Variants in WNT4 observed in about 807,000 individuals in gnomAD.
The protein encoded by WNT4 is Wnt family member 4, also known as protein Wnt-4.
Under a neutral mutation model 34.5 loss-of-function variants are expected in WNT4, and 16 were observed. The observed-to-expected ratio is 0.46, with a 90% CI of 0.31 to 0.70. The LOEUF is 0.70. WNT4 is among the 30% of genes least tolerant of loss of function. The pLI is 0.04. For synonymous variants in WNT4, 200 were observed against 211.9 expected (o/e 0.94, Z 0.49); for missense variants, 379 against 495.9 (o/e 0.76, Z 2.24).
At chr1:22,136,757 C>T (rs568426141) in intron 1 of WNT4, among the ~76,000 whole-genome samples, 2 of 152,246 alleles carry the variant, frequency 1.3e-5, no homozygotes, top group East Asian at 1.9e-4. Context: ...AGGAAGTGCT[C>T]GACATGTTTG....
chr1:22,130,631 T>C (rs965736805), intron 1 of WNT4, among the ~76,000 whole-genome samples: 6 of 152,188 alleles, frequency 3.9e-5, no homozygotes, highest in Non-Finnish European at 8.8e-5. Context: ...TGAAGAAGGA[T>C]AAAGGGAAGG....
At chr1:22,133,496 G>C (rs933804861) in intron 1 of WNT4, among the ~76,000 whole-genome samples, 1 of 152,208 alleles carries the variant, frequency 6.6e-6, no homozygotes, top group Non-Finnish European at 1.5e-5. Flanking sequence ...CAAAAATGGA[G>C]TGCACCAGCC....
intron 2 of WNT4, among the ~76,000 whole-genome samples, chr1:22,129,061 T>G (rs1286710892): frequency 1.3e-5 from 2 of 152,238 alleles, no homozygotes; most frequent in Non-Finnish European, 2.9e-5. Context: ...GGCAAGTTAC[T>G]TAACCTCCAT....
intron 1 of WNT4, among the ~76,000 whole-genome samples, chr1:22,132,630 C>T (rs190864287): frequency 2.7e-4 from 41 of 152,306 alleles, no homozygotes; most frequent in Non-Finnish European, 4.3e-4. Flanking sequence ...TGCATCCCCC[C>T]ACCCAGGCTC....
rs139437069 is a variant in WNT4 at position 22,128,144 on chromosome 1, G to A, written c.313+1472C>T. On this transcript the variant is annotated intron_variant, in intron 2 of 4. Transcript: ENST00000290167. Reference sequence around the variant, plus strand: ...GCAGCGATGTTCAGCAATGCCAAGCGAGATCATGCCTTTTTGGCCCCTGCC... The same window carrying A: ...GCAGCGATGTTCAGCAATGCCAAGCAAGATCATGCCTTTTTGGCCCCTGCC... 2.8e-4 allele frequency among the ~76,000 whole-genome samples: 42 copies of A among 152,292 alleles called. 1 individual carries two copies. The highest frequency in any genetic ancestry group is 9.1e-4 in the African/African-American group (38 of 41,562).
At chr1:22,136,538 A>C (rs1646022915) in intron 1 of WNT4, among the ~76,000 whole-genome samples, 1 of 152,104 alleles carries the variant, frequency 6.6e-6, no homozygotes, top group South Asian at 2.1e-4. Flanking sequence ...CAGTCCTAGG[A>C]GAGCCTGTGG....
chr1:22,135,425 T>A (rs964142524), intron 1 of WNT4, among the ~76,000 whole-genome samples: 34 of 152,224 alleles, frequency 2.2e-4, no homozygotes, highest in African/African-American at 8.0e-4. Flanking sequence ...AAGCCAAAGA[T>A]GACCCAGGGT....
At position 22,140,687 on chromosome 1, in the gene WNT4, A is replaced by G. The variant is rs543934108; in HGVS notation, c.77+2159T>C. On this transcript the variant is annotated intron_variant, in intron 1 of 4. Transcript: ENST00000290167. This position sits in a 1 kb window ranked among gnomAD's most constrained non-coding sequence, Gnocchi z 5.9. ...GTATGTGCCCAGTGTCTTCTCCTTC[A>G]TAGCCTCTCTGGTTTGGGAGGGTCC... is the stretch of plus-strand genomic sequence containing the variant. 6.6e-6 allele frequency among the ~76,000 whole-genome samples: 1 copy of G among 152,348 alleles called. No individual in the cohort carries two copies. Among genetic ancestry groups the G allele is most frequent in the South Asian group, 2.1e-4 (1 of 4,830 alleles).
In WNT4 at chr1:22,122,212, C is replaced by T. The variant is rs111311683; in HGVS notation, c.314-636G>A. 2.5e-3 allele frequency among the ~76,000 whole-genome samples: 386 copies of T among 152,254 alleles called. 2 individuals are homozygous for T. The highest frequency in any genetic ancestry group is 9.2e-3 in the African/African-American group (381 of 41,536). On this transcript the variant is annotated intron_variant, in intron 2 of 4. Coordinates refer to ENST00000290167, the MANE Select transcript of WNT4 (RefSeq NM_030761.5). ...CGTAATAACAACAGCTTCTACGTAA[C>T]CCCCAACCCCTACTGTGGCTAATTA...
In WNT4 at chr1:22,121,362, T is replaced by C; in HGVS notation, c.446-9A>G. The C allele has an allele frequency of 1.9e-6, 3 of 1,614,036 alleles. No individual in the cohort carries two copies. Among genetic ancestry groups the C allele is most frequent in the Non-Finnish European group, 2.5e-6 (3 of 1,180,016 alleles). ...TCCTGACCACTGGAAGCCTGGGGTG[T>C]GGTGGGCACAGAAAGGGCTGCGGTG... On this transcript the variant is annotated splice_polypyrimidine_tract_variant and intron_variant, in intron 3 of 4. Coordinates refer to ENST00000290167, the MANE Select transcript of WNT4 (RefSeq NM_030761.5).
Position 22,120,147 on chromosome 1 carries a change from A to G in WNT4, c.959T>C (p.Val320Ala). 6.2e-7 allele frequency: 1 copy of G among 1,613,472 alleles called. No homozygotes were observed. Among genetic ancestry groups the G allele is most frequent in the South Asian group, 1.1e-5 (1 of 91,074 alleles). The change falls in exon 5 of 5, where the codon GTG (valine) becomes GCG (alanine). Residue 320 changes from valine to alanine, a missense_variant. Val to Ala is a moderately conservative substitution (Grantham distance 64, BLOSUM62 0). Transcript: ENST00000290167. ...GCAGCTGCAGCGTTCAGCCAGCTCCACCTGCGCCGTGTGGAAGCCGCGGCC... is the reference window on the plus strand; with the variant it reads ...GCAGCTGCAGCGTTCAGCCAGCTCCGCCTGCGCCGTGTGGAAGCCGCGGCC... Reference protein sequence around the residue: ...CCGRGFHTAQVELAERCSCKF... With the variant: ...CCGRGFHTAQAELAERCSCKF...
chr1:22,130,169 G>A (rs900318313), intron 1 of WNT4, among the ~76,000 whole-genome samples: 4 of 152,216 alleles, frequency 2.6e-5, no homozygotes, highest in South Asian at 2.1e-4. Context: ...TCTGTGCCAG[G>A]ACGTCACCCC....
rs781177241 is a variant in WNT4 at position 22,140,077 on chromosome 1, C to T, written c.77+2769G>A. On this transcript the variant is annotated intron_variant, in intron 1 of 4. Transcript: ENST00000290167. This position sits in a 1 kb window ranked among gnomAD's most constrained non-coding sequence, Gnocchi z 5.9. ...TGAGACAACAGATAGTCCTGGCTCT[C>T]GCCACTGGCCAGCAGACCCACCCTG... 6 of 670,682 alleles carry T rather than the reference C, an allele frequency of 8.9e-6. No individual in the cohort carries two copies. Among genetic ancestry groups the T allele is most frequent in the South Asian group, 6.6e-5 (1 of 15,104 alleles). 41.5% of individuals were successfully genotyped at this position (670,682 alleles called of 1,614,324 possible).
intron 1 of WNT4, among the ~76,000 whole-genome samples, chr1:22,131,607 A>G (rs1317263063): frequency 6.6e-6 from 1 of 152,054 alleles, no homozygotes; most frequent in African/African-American, 2.4e-5. Context: ...TTATCTGTAA[A>G]TGGAGATAAC....
intron 1 of WNT4, among the ~76,000 whole-genome samples, chr1:22,138,091 C>A (rs772813511): frequency 6.6e-6 from 1 of 152,180 alleles, no homozygotes; most frequent in African/African-American, 2.4e-5. Context: ...ATGTTTATAA[C>A]CTTGTAGAAG....
At chr1:22,123,802 T>C (rs2124104946) in intron 2 of WNT4, among the ~76,000 whole-genome samples, 1 of 152,282 alleles carries the variant, frequency 6.6e-6, no homozygotes, top group South Asian at 2.1e-4. Flanking sequence ...CTCCCACATA[T>C]GGAGCCAAGA....
rs559668088 is a variant in WNT4 at position 22,129,518 on chromosome 1, C to A, written c.313+98G>T. 2.9e-6 allele frequency: 4 copies of A among 1,381,884 alleles called. No homozygotes were observed. In the Admixed American group the frequency reaches 7.9e-5, roughly 27 times the overall value. 85.6% of individuals were successfully genotyped at this position (1,381,884 alleles called of 1,614,324 possible). ...TGTGCTGGTTTTGCTTCAGAAATGACCTGCAATAGTCCCGTTGCTCACGAG... is the reference window on the plus strand; with the variant it reads ...TGTGCTGGTTTTGCTTCAGAAATGAACTGCAATAGTCCCGTTGCTCACGAG... On this transcript the variant is annotated intron_variant, in intron 2 of 4. Transcript: ENST00000290167.
rs141779913 is a variant in WNT4 at position 22,122,569 on chromosome 1, G to A, written c.314-993C>T. Among the ~76,000 whole-genome samples the A allele has an allele frequency of 6.5e-3, 986 of 152,254 alleles. 6 individuals carry two copies. Among genetic ancestry groups the A allele is most frequent in the Non-Finnish European group, 9.7e-3 (662 of 68,012 alleles). Reference sequence around the variant, plus strand: ...AGTATGCATGGCCGGCTGGGTGTGTGACCAGACAGCAGACCATGCTCCCCT... The same window carrying A: ...AGTATGCATGGCCGGCTGGGTGTGTAACCAGACAGCAGACCATGCTCCCCT... On this transcript the variant is annotated intron_variant, in intron 2 of 4. Transcript: ENST00000290167.
rs967604307 is a variant in WNT4, at chr1:22,142,884, G to T, written c.39C>A (p.Leu13=). 2.5e-6 allele frequency: 3 copies of T among 1,210,710 alleles called. No individual in the cohort carries two copies. Among genetic ancestry groups the T allele is most frequent in the Non-Finnish European group, 1.1e-6 (1 of 945,842 alleles). 75.0% of individuals were successfully genotyped at this position (1,210,710 alleles called of 1,614,324 possible). A position where few individuals can be genotyped will look rare whatever the true frequency, so the allele number is the denominator to read the frequency against. The change falls in exon 1 of 5, where the codon CTC becomes CTA. Residue 13 remains leucine (L), a synonymous_variant. Coordinates refer to ENST00000290167, the MANE Select transcript of WNT4 (RefSeq NM_030761.5). The surrounding 1 kb of genome is among the most constrained non-coding windows in gnomAD (Gnocchi z 6.0). ...CGGCGGCTGAGAAGACGGCGAAGAC[G>T]AGGAGGCGCAGCGAACGCAGGCACG... is the stretch of plus-strand genomic sequence containing the variant. ...PRSCLRSLRL[L]VFAVFSAAAS...
Sources: gnomAD v4.1 joint callset for allele counts (sites outside exome capture counted in the v4.1 genomes callset) on GRCh38, gnomAD v4.1.1 for gene constraint, Gnocchi (gnomAD v3.1) non-coding constraint, MANE v1.5 for transcripts, NCBI Gene and HGNC (gene_info 2026-07-23, HGNC 2026-07-21) for gene names.